Variants in DDX60 observed in about 807,000 individuals in gnomAD.
DDX60 encodes DExD/H-box helicase 60, also known as probable ATP-dependent RNA helicase DDX60.
DDX60 carries 165 observed loss-of-function variants against 212.8 expected under a neutral mutation model. The ratio of observed to expected loss-of-function variants is 0.78; its 90% confidence interval spans 0.68 to 0.88. The LOEUF is 0.88. Among genes scored for constraint, DDX60 ranks in the 40% least tolerant of loss-of-function variants. The probability of loss-of-function intolerance (pLI) is 0.00; values close to 1 mark genes in which losing one functional copy is unlikely to be tolerated. For missense variants in DDX60, 1,905 were observed against 2,003.9 expected (o/e 0.95, Z 0.94); for synonymous variants, 703 against 685.3 (o/e 1.03, Z -0.40).
At chr4:168,292,336 T>C (rs562930476) in intron 7 of DDX60, among the ~76,000 whole-genome samples, 46 of 152,268 alleles carry the variant, frequency 3.0e-4, no homozygotes, top group African/African-American at 1.1e-3. Flanking sequence ...TGAGACACCA[T>C]GCCCAGCTGA....
At position 168,293,817 on chromosome 4, in the gene DDX60, G is replaced by C; in HGVS notation, c.852C>G (p.Pro284=). The change falls in exon 7 of 38, where the codon CCC becomes CCG. Residue 284 remains proline, a synonymous_variant. Transcript: ENST00000393743. ...GGATCTCAGTTTCCTGACCAGAGGA[G>C]GGCTCTCTGTTTCCTAAAAAGCGAT... is the stretch of plus-strand genomic sequence containing the variant. ...MYHRFLGNRE[P]SSGQETEIQQ... 1 of 1,613,446 alleles carries C rather than the reference G, an allele frequency of 6.2e-7. No individual in the cohort carries two copies. The highest frequency in any genetic ancestry group is 1.1e-5 in the South Asian group (1 of 90,918).
At position 168,275,502 on chromosome 4, in the gene DDX60, T is replaced by C. The variant is rs766722681; in HGVS notation, c.2147A>G (p.Asp716Gly). 8.2e-6 allele frequency: 13 copies of C among 1,592,658 alleles called. No homozygotes were observed. In the East Asian group the frequency reaches 9.0e-5, roughly 11 times the overall value. ...CTTCACTTTTACATCATTTTCTGCA[T>C]CCTGCATTATTTTAAAAGTCCATTT... is the stretch of plus-strand genomic sequence containing the variant. ...ELASSLHPAQ[D>G]AENDVKVKKR... The change falls in exon 16 of 38, where the codon GAT becomes GGT. Residue 716 changes from aspartate to glycine, a missense_variant and splice_region_variant. By Grantham distance (94) the Asp-to-Gly change is moderately conservative. Coordinates refer to ENST00000393743, the MANE Select transcript of DDX60 (RefSeq NM_017631.6).
intron 30 of DDX60, among the ~76,000 whole-genome samples, chr4:168,243,315 A>G (rs181025045): frequency 6.6e-6 from 1 of 152,346 alleles, no homozygotes; most frequent in Non-Finnish European, 1.5e-5. Context: ...AGAAATGATC[A>G]TCAGAGAAAA....
At chr4:168,240,518 CAATCCT>C (rs1427742497) in intron 30 of DDX60, among the ~76,000 whole-genome samples, 6 of 152,118 alleles carry the variant, frequency 3.9e-5, no homozygotes, top group Non-Finnish European at 8.8e-5. Context: ...ACAGCCAAGA[CAATCCT>C]AAGCAAAAAG....
intron 16 of DDX60, 78 bp downstream of exon 16, chr4:168,275,267 C>T (rs1735283234): frequency 1.6e-6 from 2 of 1,276,152 alleles, no homozygotes; most frequent in South Asian, 1.9e-5. Context: ...ATAACATGTA[C>T]AGCCACAATA....
chr4:168,256,099 C>A, intron 25 of DDX60, among the ~76,000 whole-genome samples: 1 of 145,674 alleles, frequency 6.9e-6, no homozygotes, highest in Admixed American at 6.9e-5. Context: ...CCCCACTCCC[C>A]CCCACCCCAC....
chr4:168,236,255 T>C lies in DDX60; in HGVS notation c.4530A>G (p.Ser1510=). ...TTATCAGAATCACACAGTTTACCTT[T>C]GATTGATAAAACTCGAAGTGTGCAT... is the stretch of plus-strand genomic sequence containing the variant. ...FQDAHFEFYQ[S]KVFLDDLPED... The change falls in exon 33 of 38, where the codon TCA becomes TCG. Residue 1510 remains serine (S), a synonymous_variant. Coordinates refer to ENST00000393743, the MANE Select transcript of DDX60 (RefSeq NM_017631.6). 2 of 1,609,980 alleles carry C rather than the reference T, an allele frequency of 1.2e-6. No homozygotes were observed. The highest frequency in any genetic ancestry group is 1.7e-6 in the Non-Finnish European group (2 of 1,178,040).
At chr4:168,317,883 C>T (rs1737469794) in intron 1 of DDX60, among the ~76,000 whole-genome samples, 1 of 152,148 alleles carries the variant, frequency 6.6e-6, no homozygotes, top group Admixed American at 6.5e-5. Flanking sequence ...CAGGTAACCT[C>T]AGTCCTTTAG....
In DDX60 at chr4:168,231,841, A is replaced by T. The variant is rs559618637; in HGVS notation, c.4533+4411T>A. On this transcript the variant is annotated intron_variant, in intron 33 of 37. Transcript: ENST00000393743. ...CCCATTTTCACCACTCTTACTCAAC[A>T]TAGTACTAGAAGTCCTAACCAGAGC... 7.9e-5 allele frequency among the ~76,000 whole-genome samples: 12 copies of T among 152,210 alleles called. No individual in the cohort carries two copies. The East Asian group carries it at 1.9e-3, about 24-fold the overall frequency.
chr4:168,286,933 T>C, intron 10 of DDX60, 115 bp downstream of exon 10: 1 of 725,612 alleles, frequency 1.4e-6, no homozygotes, highest in South Asian at 2.5e-5. Context: ...ATTTTTATTA[T>C]TAAAATTCAA....
At chr4:168,271,617 A>G (rs1187758392) in intron 19 of DDX60, among the ~76,000 whole-genome samples, 3 of 152,214 alleles carry the variant, frequency 2.0e-5, no homozygotes, top group Non-Finnish European at 4.4e-5. Context: ...CACTTCTTGA[A>G]TTATTGCATT....
At position 168,217,785 on chromosome 4, in the gene DDX60, C is replaced by A. The variant is rs77673704; in HGVS notation, c.5040-753G>T. On this transcript the variant is annotated intron_variant, in intron 37 of 37. Transcript: ENST00000393743. ...AAAGGGAGCCACAAGCCAAGGAATG[C>A]CGGCAGCCTCTAAAAGTTGGAAAAG... Among the ~76,000 whole-genome samples the A allele has an allele frequency of 2.0e-3, 297 of 152,178 alleles. 3 individuals are homozygous for A. Among genetic ancestry groups the A allele is most frequent in the Non-Finnish European group, 2.7e-3 (183 of 68,010 alleles).
chr4:168,218,297 C>A (rs1286606833), intron 37 of DDX60, among the ~76,000 whole-genome samples: 1 of 152,150 alleles, frequency 6.6e-6, no homozygotes, highest in Non-Finnish European at 1.5e-5. Context: ...TTCTAGCTCA[C>A]TATTTTTCAT....
At position 168,293,890 on chromosome 4, in the gene DDX60, C is replaced by A; in HGVS notation, c.779G>T (p.Arg260Leu). Residue 260 changes from arginine to leucine, a missense_variant, in exon 7 of 38, where the codon CGG becomes CTG. Physicochemically the swap from Arg to Leu is moderately radical, Grantham distance 102. Coordinates refer to ENST00000393743, the MANE Select transcript of DDX60 (RefSeq NM_017631.6). ...TQVWPEGSDI[R>L]RVFCVTSCSL... The stretch of plus-strand genomic sequence containing the variant: ...GCATGAAGTAACACAAAAGACACGC[C>A]GAATGTCAGATCCTTCTGGCCAGAC... 1.2e-6 allele frequency: 2 copies of A among 1,613,858 alleles called. No individual in the cohort carries two copies. Among genetic ancestry groups the A allele is most frequent in the Non-Finnish European group, 1.7e-6 (2 of 1,179,932 alleles).
At chr4:168,230,370 C>T (rs1440483254) in intron 33 of DDX60, among the ~76,000 whole-genome samples, 2 of 152,040 alleles carry the variant, frequency 1.3e-5, no homozygotes, top group African/African-American at 4.8e-5. Flanking sequence ...ATGGACTTAA[C>T]AGATATTTAC....
chr4:168,265,715 T>C (rs1734811186), intron 22 of DDX60: 1 of 151,988 alleles, frequency 6.6e-6, no homozygotes, highest in Non-Finnish European at 1.5e-5. Flanking sequence ...CCTTGAACCA[T>C]CCTACACAGA....
At chr4:168,311,171 G>A in intron 2 of DDX60, 85 bp downstream of exon 2, 1 of 1,502,954 alleles carries the variant, frequency 6.7e-7, no homozygotes. Flanking sequence ...AAACAGTAAT[G>A]TGGTTATTTT....
At chr4:168,276,615 A>T (rs1178166557) in intron 14 of DDX60, among the ~76,000 whole-genome samples, 1 of 152,146 alleles carries the variant, frequency 6.6e-6, no homozygotes, top group African/African-American at 2.4e-5. Context: ...TACTCATTGG[A>T]GCCCTTCAAT....
At position 168,307,446 on chromosome 4, in the gene DDX60, T is replaced by C. The variant is rs190005014; in HGVS notation, c.264+560A>G. Among the ~76,000 whole-genome samples the C allele has an allele frequency of 2.9e-3, 435 of 152,242 alleles. 3 individuals carry two copies. Among genetic ancestry groups the C allele is most frequent in the African/African-American group, 9.8e-3 (408 of 41,524 alleles). ...ACCTCAAACAAACCATCATAAAACA[T>C]TGATTATTATTGTTAGAGACTGGGT... On this transcript the variant is annotated intron_variant, in intron 4 of 37. Transcript: ENST00000393743.
Sources: gnomAD v4.1 joint callset for allele counts (sites outside exome capture counted in the v4.1 genomes callset) on GRCh38, gnomAD v4.1.1 for gene constraint, MANE v1.5 for transcripts, NCBI Gene and HGNC (gene_info 2026-07-23, HGNC 2026-07-21) for gene names.